The following CABCOCO1 variants were observed in gnomAD, a reference collection of about 807,000 sequenced individuals.
CABCOCO1 encodes ciliary associated calcium binding coiled-coil 1.
A neutral mutation model predicts 35.7 loss-of-function variants in CABCOCO1; 28 were observed. The observed-to-expected ratio is 0.78, with a 90% CI of 0.58 to 1.07. The LOEUF is 1.07. CABCOCO1 is among the 50% of genes least tolerant of loss of function. The pLI is 0.00. For synonymous variants in CABCOCO1, 95 were observed against 100.1 expected (o/e 0.95, Z 0.30); for missense variants, 326 against 309.2 (o/e 1.05, Z -0.41).
At chr10:61,691,643 T>C (rs1589124670) in intron 5 of CABCOCO1, among the ~76,000 whole-genome samples, 1 of 152,098 alleles carries the variant, frequency 6.6e-6, no homozygotes, top group East Asian at 1.9e-4. Context: ...TCCCTCCCCT[T>C]GCCCCCCACT....
intron 5 of CABCOCO1, among the ~76,000 whole-genome samples, chr10:61,696,743 T>C (rs1840306609): frequency 6.6e-6 from 1 of 152,042 alleles, no homozygotes; most frequent in Non-Finnish European, 1.5e-5. Context: ...TGGCCTCAAG[T>C]GATCCTTCAG....
intron 5 of CABCOCO1, among the ~76,000 whole-genome samples, chr10:61,751,210 GCT>G (rs1841775204): frequency 7.4e-6 from 1 of 135,886 alleles, no homozygotes. Flanking sequence ...GCTTTGCCTT[GCT>G]CTTTTTTTTT....
chr10:61,752,645 G>T (rs1031549818), intron 5 of CABCOCO1, among the ~76,000 whole-genome samples: 1 of 152,034 alleles, frequency 6.6e-6, no homozygotes, highest in Non-Finnish European at 1.5e-5. Context: ...TTCCTGTGTT[G>T]TTTTTTAAAT....
Position 61,669,095 on chromosome 10 carries a change from T to C in CABCOCO1, c.61-3537T>C, listed in dbSNP as rs143865433. On this transcript the variant is annotated intron_variant, in intron 1 of 7. Transcript: ENST00000648843. Reference sequence around the variant, plus strand: ...TCCTCTGTGACTAGGAAACTTCTCTTTAGTAAACTTTGGTGAAATCTGTTA... The same window carrying C: ...TCCTCTGTGACTAGGAAACTTCTCTCTAGTAAACTTTGGTGAAATCTGTTA... 8.3e-3 allele frequency among the ~76,000 whole-genome samples: 1,256 copies of C among 151,238 alleles called. 32 individuals are homozygous for C. Among genetic ancestry groups the C allele is most frequent in the Non-Finnish European group, 0.014 (919 of 67,612 alleles).
intron 3 of CABCOCO1, among the ~76,000 whole-genome samples, chr10:61,682,576 T>C (rs1353329787): frequency 6.6e-6 from 1 of 152,230 alleles, no homozygotes; most frequent in Non-Finnish European, 1.5e-5. Flanking sequence ...ATATTTTTTA[T>C]TTCTTATGAT....
At chr10:61,698,220 TGTTA>T (rs1309911977) in intron 5 of CABCOCO1, among the ~76,000 whole-genome samples, 2 of 152,134 alleles carry the variant, frequency 1.3e-5, no homozygotes, top group Non-Finnish European at 2.9e-5. Context: ...TTACAAAATG[TGTTA>T]GATAGGTATA....
rs191496703 is a variant in CABCOCO1, at chr10:61,720,160, A to G, written c.552+29539A>G. Among the ~76,000 whole-genome samples, 48 of 152,272 alleles carry G rather than the reference A, an allele frequency of 3.2e-4. No homozygotes were observed. In the East Asian group the frequency reaches 7.1e-3, roughly 23 times the overall value. On this transcript the variant is annotated intron_variant, in intron 5 of 7. Transcript: ENST00000648843. The stretch of plus-strand genomic sequence containing the variant: ...AGAACAAAAGGAACCACTGTTCTAA[A>G]AGAAAAAGATGAAGAATGACACACT...
At chr10:61,699,541 C>T (rs760717182) in intron 5 of CABCOCO1, among the ~76,000 whole-genome samples, 11 of 152,112 alleles carry the variant, frequency 7.2e-5, no homozygotes, top group Non-Finnish European at 1.6e-4. Context: ...TCATTTCCCT[C>T]TGCCTTGCAG....
chr10:61,667,071 G>T (rs892078404), intron 1 of CABCOCO1, among the ~76,000 whole-genome samples: 5 of 134,650 alleles, frequency 3.7e-5, no homozygotes, highest in African/African-American at 1.1e-4. Context: ...ATAAATATAA[G>T]TATATATTAT....
At chr10:61,724,954 A>G (rs756454031) in intron 5 of CABCOCO1, among the ~76,000 whole-genome samples, 2 of 152,244 alleles carry the variant, frequency 1.3e-5, no homozygotes, top group Admixed American at 6.5e-5. Context: ...TAGAACTTAA[A>G]GTATAATAAA....
intron 4 of CABCOCO1, among the ~76,000 whole-genome samples, chr10:61,688,554 T>C (rs1840035980): frequency 6.6e-6 from 1 of 152,208 alleles, no homozygotes; most frequent in Non-Finnish European, 1.5e-5. Context: ...AGCTTTTTAG[T>C]ATAAAACATC....
chr10:61,663,736 C>T (rs999762262), intron 1 of CABCOCO1, among the ~76,000 whole-genome samples: 1 of 152,152 alleles, frequency 6.6e-6, no homozygotes, highest in African/African-American at 2.4e-5. Context: ...CCATCACCAG[C>T]TCTCCATAAT....
At chr10:61,690,471 T>C (rs910087595) in intron 4 of CABCOCO1, 78 bp from the exon 5 acceptor site, 52 of 959,412 alleles carry the variant, frequency 5.4e-5, no homozygotes, top group Admixed American at 2.8e-4. Flanking sequence ...TGAAGTTTCC[T>C]TTAATAAATG....
chr10:61,743,331 T>TA (rs1457409651), intron 5 of CABCOCO1, among the ~76,000 whole-genome samples: 2 of 152,220 alleles, frequency 1.3e-5, no homozygotes, highest in Non-Finnish European at 2.9e-5. Flanking sequence ...AACATATACT[T>TA]ACTTCTAGAC....
intron 2 of CABCOCO1, among the ~76,000 whole-genome samples, chr10:61,677,325 A>T (rs1473988539): frequency 6.6e-6 from 1 of 152,088 alleles, no homozygotes; most frequent in Admixed American, 6.5e-5. Context: ...TTAATTGATC[A>T]TTTCTCTTTA....
chr10:61,665,841 C>A (rs1490384190), intron 1 of CABCOCO1, among the ~76,000 whole-genome samples: 1 of 149,178 alleles, frequency 6.7e-6, no homozygotes, highest in Admixed American at 6.7e-5. Context: ...GAGCCGAGAT[C>A]GCGCCACTGC....
At chr10:61,667,206 TTA>T (rs1416747144) in intron 1 of CABCOCO1, among the ~76,000 whole-genome samples, 2 of 146,698 alleles carry the variant, frequency 1.4e-5, no homozygotes, top group Non-Finnish European at 3.0e-5. Context: ...TAATTATAAA[TTA>T]TATGTTTATT....
chr10:61,672,164 C>T (rs1464374224), intron 1 of CABCOCO1, among the ~76,000 whole-genome samples: 1 of 152,206 alleles, frequency 6.6e-6, no homozygotes, highest in East Asian at 1.9e-4. Context: ...GAACTCCTGT[C>T]TATAGAGTTT....
chr10:61,722,810 TGAAGGA>T (rs893302923), intron 5 of CABCOCO1, among the ~76,000 whole-genome samples: 1 of 151,924 alleles, frequency 6.6e-6, no homozygotes, highest in African/African-American at 2.4e-5. Flanking sequence ...GAAATGTGGT[TGAAGGA>T]GAAGTAAAAA....
Sources: allele counts gnomAD v4.1 joint callset (sites outside exome capture counted in the v4.1 genomes callset), GRCh38; gene constraint gnomAD v4.1.1; transcripts MANE v1.5; gene names NCBI Gene and HGNC (gene_info 2026-07-23, HGNC 2026-07-21).